The following GUCY2D variants were observed in gnomAD, a reference collection of about 807,000 sequenced individuals.
The protein encoded by GUCY2D is retinal guanylyl cyclase 1.
Under a neutral mutation model 101.3 loss-of-function variants are expected in GUCY2D, and 70 were observed. The ratio of observed to expected loss-of-function variants is 0.69; its 90% CI spans 0.57 to 0.84. The LOEUF (loss-of-function observed/expected upper bound fraction) is 0.84, where lower values mean the gene tolerates loss of function less well. Among genes scored for constraint, GUCY2D ranks in the 40% least tolerant of loss-of-function variants. GUCY2D has a pLI of 0.00. For missense variants in GUCY2D, 1,460 were observed against 1,542.5 expected (o/e 0.95, Z 0.90); for synonymous variants, 688 against 670.7 (o/e 1.03, Z -0.40).
At chr17:8,016,052 C>T (rs756135232) in intron 17 of GUCY2D, 31 bp downstream of exon 17, 11 of 1,554,130 alleles carry the variant, frequency 7.1e-6, no homozygotes, top group Non-Finnish European at 8.8e-6. Context: ...CTCCCGGAGG[C>T]CCCGCCCTGT....
intron 7 of GUCY2D, 71 bp downstream of exon 7, chr17:8,008,103 G>A (rs1256338309): frequency 3.5e-5 from 32 of 907,918 alleles, no homozygotes; most frequent in Non-Finnish European, 4.1e-5. Context: ...GAGGGGAGGC[G>A]CACTCTCAGG....
At position 8,012,451 on chromosome 17, in the gene GUCY2D, G is replaced by A. The variant is rs139168077; in HGVS notation, c.1958G>A (p.Gly653Glu). 7.4e-6 allele frequency: 12 copies of A among 1,613,928 alleles called. No individual in the cohort carries two copies. Among genetic ancestry groups the A allele is most frequent in the Non-Finnish European group, 1.0e-5 (12 of 1,180,020 alleles). Reference protein sequence around the residue: ...KSSLLLDLIKGIRYLHHRGVA... With the variant: ...KSSLLLDLIKEIRYLHHRGVA... ...GCCTCTTACCCTACCCATTCCAAGG[G>A]AATAAGGTATCTGCACCATCGAGGC... The change falls in exon 10 of 20, where the codon GGA (glycine) becomes GAA (glutamate). Residue 653 changes from glycine to glutamate, a missense_variant and splice_region_variant. Coordinates refer to ENST00000254854, the MANE Select transcript of GUCY2D (RefSeq NM_000180.4).
Position 8,014,895 on chromosome 17 carries a change from G to A in GUCY2D, c.2613G>A (p.Val871=), listed in dbSNP as rs1160373310. ...VAEALKTGTP[V]EPEYFEQVTL... is the part of the protein sequence containing the mutation. Reference sequence around the variant, plus strand: ...AGGCCTTGAAGACGGGGACACCAGTGGAGCCCGAGTACTTTGAGCAAGTGA... The same window carrying A: ...AGGCCTTGAAGACGGGGACACCAGTAGAGCCCGAGTACTTTGAGCAAGTGA... Residue 871 remains valine (V), a synonymous_variant, in exon 14 of 20, where the codon GTG becomes GTA. Transcript: ENST00000254854. The surrounding 1 kb of genome is among the most constrained non-coding windows in gnomAD (Gnocchi z 4.0). The A allele has an allele frequency of 1.9e-6, 3 of 1,614,148 alleles. No homozygotes were observed. The highest frequency in any genetic ancestry group is 4.5e-5 in the East Asian group (2 of 44,876).
chr17:8,003,759 A>G lies in GUCY2D; in HGVS notation c.712A>G (p.Arg238Gly), dbSNP rs766859707. 1.9e-6 allele frequency: 3 copies of G among 1,599,498 alleles called. No individual in the cohort carries two copies. The highest frequency in any genetic ancestry group is 2.5e-6 in the Non-Finnish European group (3 of 1,179,670). ...EALRKVRDGPRVTAVIMVMHS... is the reference protein window; with the variant it reads ...EALRKVRDGPGVTAVIMVMHS... ...CCTGAGGAAGGTTCGGGACGGGCCC[A>G]GGGTCACAGGTAGGCTCCCTTGCAG... Residue 238 changes from arginine to glycine, a missense_variant, in exon 2 of 20, where the codon AGG becomes GGG. By Grantham distance (125) the Arg-to-Gly change is moderately radical. Transcript: ENST00000254854.
chr17:8,007,557 T>G (rs1598146923), intron 6 of GUCY2D, 29 bp downstream of exon 6: 1 of 1,405,976 alleles, frequency 7.1e-7, no homozygotes, highest in Non-Finnish European at 1.0e-6. Flanking sequence ...CAGGAGCCAG[T>G]TGTCTTCTTT....
chr17:8,016,544 G>T lies in GUCY2D; in HGVS notation c.*14G>T. On this transcript the variant is annotated 3_prime_UTR_variant, in exon 19 of 20. Transcript: ENST00000254854. ...CAGTTCTCTTGAGAAGTGAGGCCCG[G>T]CCCCGGACAGGTACTGCCCCCTCAG... The T allele has an allele frequency of 6.6e-7, 1 of 1,521,588 alleles. No homozygotes were observed. The allele number at this position is 1,521,588 out of a possible 1,614,324, so 94.3% of individuals were successfully genotyped here.
chr17:8,015,290 G>T, intron 14 of GUCY2D, 38 bp from the exon 15 acceptor site: 2 of 1,583,814 alleles, frequency 1.3e-6, no homozygotes, highest in Middle Eastern at 1.7e-4. Flanking sequence ...CGGGGGGAAT[G>T]CTCAAAAGAA....
chr17:8,006,186 G>C (rs976958240), intron 3 of GUCY2D, among the ~76,000 whole-genome samples, 177 bp from the exon 4 acceptor site: 3 of 146,370 alleles, frequency 2.0e-5, no homozygotes, highest in Non-Finnish European at 4.6e-5. Flanking sequence ...AGCCAATGGG[G>C]AGGGAGGAAG....
Position 8,003,478 on chromosome 17 carries a change from G to A in GUCY2D, c.431G>A (p.Gly144Glu). The change falls in exon 2 of 20, where the codon GGG (glycine) becomes GAG (glutamate). Residue 144 changes from glycine (G) to glutamate (E), a missense_variant. Around this residue, in one of 3 missense-constraint regions of GUCY2D, gnomAD observed 1,196 missense variants for 1,229.6 expected, o/e 0.97. Coordinates refer to ENST00000254854, the MANE Select transcript of GUCY2D (RefSeq NM_000180.4). ...RPAELLAEEA[G>E]IALVPWGCPW... Reference sequence around the variant, plus strand: ...GCCGAGCTGCTCGCCGAAGAAGCCGGGATCGCGCTGGTGCCCTGGGGCTGC... The same window carrying A: ...GCCGAGCTGCTCGCCGAAGAAGCCGAGATCGCGCTGGTGCCCTGGGGCTGC... The A allele has an allele frequency of 6.6e-7, 1 of 1,525,654 alleles. No individual in the cohort carries two copies. The highest frequency in any genetic ancestry group is 8.7e-7 in the Non-Finnish European group (1 of 1,142,944). 94.5% of individuals were successfully genotyped at this position (1,525,654 alleles called of 1,614,324 possible).
At chr17:8,016,332 C>A in intron 18 of GUCY2D, 42 bp downstream of exon 18, 1 of 1,466,006 alleles carries the variant, frequency 6.8e-7, no homozygotes, top group Non-Finnish European at 9.3e-7. Context: ...GACGAGGGAC[C>A]CCTGCCTCCT....
At chr17:8,016,701 C>G in intron 19 of GUCY2D, 147 bp downstream of exon 19, 1 of 592,824 alleles carries the variant, frequency 1.7e-6, no homozygotes, top group Non-Finnish European at 3.0e-6. Flanking sequence ...GGGAGGGAAG[C>G]AGCCATTGCA....
At chr17:8,015,230 G>T in intron 14 of GUCY2D, 98 bp from the exon 15 acceptor site, 1 of 1,218,272 alleles carries the variant, frequency 8.2e-7, no homozygotes, top group East Asian at 2.4e-5. Flanking sequence ...ACCTGGTTCT[G>T]CACTAACCCC....
At position 8,014,400 on chromosome 17, in the gene GUCY2D, C is replaced by G; in HGVS notation, c.2413-201C>G. The G allele has an allele frequency of 4.6e-6, 3 of 649,526 alleles. No homozygotes were observed. The highest frequency in any genetic ancestry group is 1.8e-5 in the African/African-American group (1 of 55,864). The allele number at this position is 649,526 out of a possible 1,614,324, so 40.2% of individuals were successfully genotyped here. On this transcript the variant is annotated intron_variant, in intron 12 of 19. Transcript: ENST00000254854. This position sits in a 1 kb window ranked among gnomAD's most constrained non-coding sequence, Gnocchi z 4.0. ...TGAGATCAACTGACCTCTGGGAACC[C>G]TCATTTCCCACGTGCCTCCTAATCG...
Position 8,003,497 on chromosome 17 carries a change from G to A in GUCY2D, c.450G>A (p.Trp150Ter). The change falls in exon 2 of 20, where the codon TGG becomes TGA. Residue 150 changes from tryptophan to a stop codon, truncating the protein, a stop_gained. Transcript: ENST00000254854. LOFTEE classifies it high-confidence loss of function. ...AAGCCGGGATCGCGCTGGTGCCCTG[G>A]GGCTGCCCCTGGACGCAGGCGGAGG... ...AEEAGIALVP[W>*]GCPWTQAEGT... The A allele has an allele frequency of 2.6e-6, 4 of 1,530,030 alleles. No homozygotes were observed. Among genetic ancestry groups the A allele is most frequent in the Non-Finnish European group, 3.5e-6 (4 of 1,144,684 alleles). 94.8% of individuals were successfully genotyped at this position (1,530,030 alleles called of 1,614,324 possible).
intron 7 of GUCY2D, among the ~76,000 whole-genome samples, chr17:8,009,000 A>C (rs1383165629): frequency 6.6e-6 from 1 of 152,220 alleles, no homozygotes; most frequent in Non-Finnish European, 1.5e-5. Context: ...CATTGAACCA[A>C]GCTTGGGCCC....
Position 8,015,773 on chromosome 17 carries a change from C to T in GUCY2D, c.2975C>T (p.Thr992Ile), listed in dbSNP as rs367767119. Residue 992 changes from threonine to isoleucine, a missense_variant, in exon 16 of 20, where the codon ACC becomes ATC. By Grantham distance (89) the Thr-to-Ile change is moderately conservative. Transcript: ENST00000254854. Reference sequence around the variant, plus strand: ...TGCGTGGCAGGCGTGGTGGGCCTCACCATGCCGCGGTACTGCCTGTTTGGG... The same window carrying T: ...TGCGTGGCAGGCGTGGTGGGCCTCATCATGCCGCGGTACTGCCTGTTTGGG... Reference protein sequence around the residue: ...GPCVAGVVGLTMPRYCLFGDT... With the variant: ...GPCVAGVVGLIMPRYCLFGDT... 10 of 1,611,738 alleles carry T rather than the reference C, an allele frequency of 6.2e-6. No individual in the cohort carries two copies. Among genetic ancestry groups the T allele is most frequent in the Non-Finnish European group, 8.5e-6 (10 of 1,179,378 alleles).
chr17:8,003,581 A>G lies in GUCY2D; in HGVS notation c.534A>G (p.Ala178=), dbSNP rs758629545. ...AADALYALLR[A]FGWARVALVT... is the part of the protein sequence containing the mutation. ...ATGCCCTCTACGCCCTGCTTCGCGC[A>G]TTCGGCTGGGCGCGCGTGGCCCTGG... The change falls in exon 2 of 20, where the codon GCA becomes GCG. Residue 178 remains alanine, a synonymous_variant. Coordinates refer to ENST00000254854, the MANE Select transcript of GUCY2D (RefSeq NM_000180.4). 8 of 1,584,710 alleles carry G rather than the reference A, an allele frequency of 5.0e-6. No homozygotes were observed. In the Admixed American group the frequency reaches 1.4e-4, roughly 27 times the overall value.
Position 8,014,023 on chromosome 17 carries a change from G to A in GUCY2D, c.2407G>A (p.Asp803Asn), listed in dbSNP as rs752269926. 17 of 1,612,666 alleles carry A rather than the reference G, an allele frequency of 1.1e-5. No homozygotes were observed. Among genetic ancestry groups the A allele is most frequent in the African/African-American group, 2.7e-5 (2 of 74,920 alleles). Reference protein sequence around the residue: ...ELRPSMDHTFDLFKNINKGRK... With the variant: ...ELRPSMDHTFNLFKNINKGRK... ...TCGGCCCTCCATGGACCACACCTTC[G>A]ACCTGGTCAGGGGCTGGGAGTGGGC... The change falls in exon 12 of 20, where the codon GAC (aspartate) becomes AAC (asparagine). Residue 803 changes from aspartate to asparagine, a missense_variant. By Grantham distance (23) the Asp-to-Asn change is conservative. Transcript: ENST00000254854. The surrounding 1 kb of genome is among the most constrained non-coding windows in gnomAD (Gnocchi z 4.0).
At position 8,014,882 on chromosome 17, in the gene GUCY2D, C is replaced by T. The variant is rs375727197; in HGVS notation, c.2600C>T (p.Thr867Met). The change falls in exon 14 of 20, where the codon ACG becomes ATG. Residue 867 changes from threonine to methionine, a missense_variant. Physicochemically the swap from Thr to Met is moderately conservative, Grantham distance 81. Coordinates refer to ENST00000254854, the MANE Select transcript of GUCY2D (RefSeq NM_000180.4). This position sits in a 1 kb window ranked among gnomAD's most constrained non-coding sequence, Gnocchi z 4.0. ...AGGTCTGTGGCTGAGGCCTTGAAGA[C>T]GGGGACACCAGTGGAGCCCGAGTAC... is the stretch of plus-strand genomic sequence containing the variant. ...LPPSVAEALK[T>M]GTPVEPEYFE... The T allele has an allele frequency of 1.8e-5, 29 of 1,614,000 alleles. No homozygotes were observed. The African/African-American group carries it at 2.1e-4, about 12-fold the overall frequency.
Sources: allele counts gnomAD v4.1 joint callset (sites outside exome capture counted in the v4.1 genomes callset), GRCh38; gene constraint gnomAD v4.1.1; regional missense constraint gnomAD v4.1.1; non-coding constraint Gnocchi (gnomAD v3.1); transcripts MANE v1.5; gene names NCBI Gene and HGNC (gene_info 2026-07-23, HGNC 2026-07-21).